The following ZNF565 variants were observed in gnomAD, a reference collection of about 807,000 sequenced individuals.
The protein encoded by ZNF565 is zinc finger protein 565.
ZNF565 carries 27 observed loss-of-function variants against 39.4 expected under a neutral mutation model. The ratio of observed to expected loss-of-function variants is 0.69; its 90% CI spans 0.51 to 0.95. The LOEUF is 0.95. ZNF565 is among the 40% of genes least tolerant of loss of function. The pLI is 0.00. For missense variants in ZNF565, 524 were observed against 621.1 expected (o/e 0.84, Z 1.66); for synonymous variants, 185 against 216.6 (o/e 0.85, Z 1.28).
rs1332656993 is a variant in ZNF565, at chr19:36,231,882, G to A, written c.55+13594C>T. On this transcript the variant is annotated intron_variant, in intron 1 of 4. Coordinates refer to the ZNF565 transcript ENST00000355114. ...GGAGTTCTAGACCAGCCTGGGCAGC[G>A]TGTTGAGACCCCGTATCTTTTTTAT... Among the ~76,000 whole-genome samples, 3 of 150,672 alleles carry A rather than the reference G, an allele frequency of 2.0e-5. No homozygotes were observed. The South Asian group carries it at 6.3e-4, about 32-fold the overall frequency.
chr19:36,186,946 T>A (rs1396059134), intron 4 of ZNF565, among the ~76,000 whole-genome samples: 1 of 152,144 alleles, frequency 6.6e-6, no homozygotes, highest in Non-Finnish European at 1.5e-5. Context: ...ACCCCAGCAC[T>A]TTGGGAGGCT....
downstream of ZNF565, chr19:36,182,241 A>ATTTT: frequency 2.6e-6 from 1 of 381,868 alleles, no homozygotes; most frequent in African/African-American, 2.1e-5. Context: ...TTCTATATTC[A>ATTTT]TTTTTTTTTA....
chr19:36,237,316 C>A, intron 1 of ZNF565: 1 of 1,592,708 alleles, frequency 6.3e-7, no homozygotes, highest in Non-Finnish European at 8.6e-7. Flanking sequence ...TTCATACTCA[C>A]TAAAAACCCC....
chr19:36,213,689 ATTTTTTTT>A (rs34943234), intron 1 of ZNF565, among the ~76,000 whole-genome samples: 2 of 133,288 alleles, frequency 1.5e-5, no homozygotes, highest in East Asian at 2.1e-4. Flanking sequence ...CCAGCCATTA[ATTTTTTTT>A]TTTTTTTTTT....
chr19:36,242,313 G>C lies in ZNF565; in HGVS notation c.55+3163C>G, dbSNP rs139769326. Among the ~76,000 whole-genome samples, 25 of 152,166 alleles carry C rather than the reference G, an allele frequency of 1.6e-4. 1 individual carries two copies. The East Asian group carries it at 4.4e-3, about 27-fold the overall frequency. The stretch of plus-strand genomic sequence containing the variant: ...TAGTCTCAGCTACTTGGGAGGCTGA[G>C]ACAAGAGAATGACTGAACACGGGAG... On this transcript the variant is annotated intron_variant, in intron 1 of 4. Coordinates refer to the ZNF565 transcript ENST00000355114.
In ZNF565 at chr19:36,242,912, C is replaced by T. The variant is rs201026464; in HGVS notation, c.55+2564G>A. ...TTCCCCTGATAATTCATCACATTTT[C>T]CCAGTTCTTTGTATTTCAAATAATT... On this transcript the variant is annotated intron_variant, in intron 1 of 4. Transcript: ENST00000355114. Among the ~76,000 whole-genome samples the T allele has an allele frequency of 9.2e-5, 14 of 152,280 alleles. No individual in the cohort carries two copies. The East Asian group carries it at 2.1e-3, about 23-fold the overall frequency.
chr19:36,244,097 C>G (rs1977840992), intron 1 of ZNF565, among the ~76,000 whole-genome samples: 1 of 151,260 alleles, frequency 6.6e-6, no homozygotes, highest in African/African-American at 2.4e-5. Context: ...AGCTGTCAAC[C>G]AAACCAAGAA....
At chr19:36,224,684 G>A (rs868491008) in intron 1 of ZNF565, among the ~76,000 whole-genome samples, 22 of 152,270 alleles carry the variant, frequency 1.4e-4, no homozygotes, top group African/African-American at 4.8e-4. Flanking sequence ...TCGTTCCAGA[G>A]GGGGAAAAGG....
intron 1 of ZNF565, among the ~76,000 whole-genome samples, chr19:36,234,361 C>CA (rs374641166): frequency 0.016 from 2,352 of 150,406 alleles, 65 homozygotes; most frequent in African/African-American, 0.054. Context: ...AAGACTGTCT[C>CA]AAAAAAAAAG....
intron 2 of ZNF565, among the ~76,000 whole-genome samples, chr19:36,197,100 GTC>G (rs1169242918): frequency 2.0e-5 from 3 of 151,028 alleles, no homozygotes; most frequent in Non-Finnish European, 4.4e-5. Flanking sequence ...GCAAAACCCT[GTC>G]TCTACTAAAA....
At chr19:36,188,972 A>G (rs960440462) in intron 4 of ZNF565, among the ~76,000 whole-genome samples, 2 of 152,230 alleles carry the variant, frequency 1.3e-5, no homozygotes, top group Non-Finnish European at 2.9e-5. Flanking sequence ...TACCTAGAAT[A>G]GGCAAATTCA....
At chr19:36,221,328 C>G (rs2145406906) in intron 1 of ZNF565, among the ~76,000 whole-genome samples, 1 of 138,012 alleles carries the variant, frequency 7.2e-6, no homozygotes, top group Middle Eastern at 4.3e-3. Context: ...TCACTCTGTC[C>G]CCTAGGCTGG....
At chr19:36,222,465 T>C (rs544117716) in intron 1 of ZNF565, among the ~76,000 whole-genome samples, 7 of 152,318 alleles carry the variant, frequency 4.6e-5, no homozygotes, top group Admixed American at 1.3e-4. Context: ...CAAATGGCGC[T>C]GCCCAGTGGG....
At chr19:36,244,941 G>GT (rs2029882765) in intron 1 of ZNF565, among the ~76,000 whole-genome samples, 1 of 151,810 alleles carries the variant, frequency 6.6e-6, no homozygotes, top group Non-Finnish European at 1.5e-5. Flanking sequence ...CGATAGGCTT[G>GT]TATCTTGTTG....
intron 1 of ZNF565, among the ~76,000 whole-genome samples, chr19:36,230,290 T>TA (rs1250422709): frequency 6.6e-6 from 1 of 152,228 alleles, no homozygotes; most frequent in Non-Finnish European, 1.5e-5. Context: ...TATTGCATGA[T>TA]ATGTATTAGG....
chr19:36,211,449 TCACA>T lies in ZNF565; in HGVS notation c.-66+3169_-66+3172del, dbSNP rs370230430. Reference sequence around the variant, plus strand: ...ACAAGAGCCAAACTCCAACTCTCTCTCACACACACACACACACACACACACACAC... The same window carrying T: ...ACAAGAGCCAAACTCCAACTCTCTCTCACACACACACACACACACACACAC... On this transcript the variant is annotated intron_variant, in intron 1 of 4. Transcript: ENST00000304116. Among the ~76,000 whole-genome samples the T allele has an allele frequency of 3.3e-3, 454 of 137,752 alleles. 1 individual carries two copies. The highest frequency in any genetic ancestry group is 0.014 in the South Asian group (55 of 4,046). 90.4% of individuals were successfully genotyped at this position (137,752 alleles called of 152,430 possible). A position where few individuals can be genotyped will look rare whatever the true frequency, so the allele number is the denominator to read the frequency against.
intron 3 of ZNF565, 104 bp from the exon 4 acceptor site, chr19:36,194,432 T>C (rs1343864798): frequency 4.1e-5 from 35 of 855,580 alleles, no homozygotes; most frequent in Non-Finnish European, 5.7e-5. Flanking sequence ...AGGTGGAAGG[T>C]TGTCCAAAGG....
At chr19:36,200,153 G>A (rs563183379) in intron 2 of ZNF565, among the ~76,000 whole-genome samples, 1 of 151,826 alleles carries the variant, frequency 6.6e-6, no homozygotes, top group Admixed American at 6.6e-5. Flanking sequence ...AGTCTCCTGA[G>A]CAGCTGGAAT....
chr19:36,222,333 G>C (rs1976883710), intron 1 of ZNF565, among the ~76,000 whole-genome samples: 1 of 152,138 alleles, frequency 6.6e-6, no homozygotes, highest in South Asian at 2.1e-4. Context: ...TAATCCCGTT[G>C]TTGAGCATTT....
Sources: allele counts gnomAD v4.1 joint callset (sites outside exome capture counted in the v4.1 genomes callset), GRCh38; gene constraint gnomAD v4.1.1; transcripts MANE v1.5; gene names NCBI Gene and HGNC (gene_info 2026-07-23, HGNC 2026-07-21).